AKAP6: variants seen among roughly 807,000 people sequenced by gnomAD.
AKAP6 encodes the protein A-kinase anchoring protein 6, also known as A-kinase anchor protein 6.
A neutral mutation model predicts 188.5 loss-of-function variants in AKAP6; 58 were observed. The observed-to-expected ratio is 0.31, with a 90% CI of 0.25 to 0.38. AKAP6 has a LOEUF of 0.38. AKAP6 is among the 10% of genes least tolerant of loss of function. AKAP6 has a pLI of 1.00. For synonymous variants in AKAP6, 989 were observed against 998.6 expected, an observed-to-expected ratio of 0.99 and a Z score of 0.18; for missense variants, 2,710 against 2,740.0, an observed-to-expected ratio of 0.99 and a Z score of 0.24.
intron 1 of AKAP6, among the ~76,000 whole-genome samples, chr14:32,408,623 A>G (rs1889374400): frequency 6.6e-6 from 1 of 151,920 alleles, no homozygotes; most frequent in Non-Finnish European, 1.5e-5. Context: ...TTTCTTAAGA[A>G]TACAAGTAAA....
At chr14:32,603,375 AG>A (rs1267855732) in intron 7 of AKAP6, among the ~76,000 whole-genome samples, 3 of 152,190 alleles carry the variant, frequency 2.0e-5, no homozygotes, top group African/African-American at 7.2e-5. Context: ...TACATTCACC[AG>A]GGCCAGTTTG....
chr14:32,823,461 T>G lies in AKAP6; in HGVS notation c.5648T>G (p.Phe1883Cys). Residue 1883 changes from phenylalanine (F) to cysteine (C), a missense_variant, in exon 13 of 14, where the codon TTC becomes TGC. Coordinates refer to ENST00000280979, the MANE Select transcript of AKAP6 (RefSeq NM_004274.5). ...GTKRENKKTI[F>C]KVNKDPYVAD... ...AAGCGTGAAAATAAGAAAACTATTT[T>G]CAAAGTTAATAAAGATCCATATGTG... 1 of 1,613,376 alleles carries G rather than the reference T, an allele frequency of 6.2e-7. No individual in the cohort carries two copies. The highest frequency in any genetic ancestry group is 8.5e-7 in the Non-Finnish European group (1 of 1,179,830).
In AKAP6 at chr14:32,350,445, G is replaced by A. The variant is rs893826656; in HGVS notation, c.-35+21037G>A. ...AGACTATCAAGGTCATGAGAAACAA[G>A]GAAAGCCTAAAAGGCTATTATAGAC... On this transcript the variant is annotated intron_variant, in intron 1 of 13. Transcript: ENST00000280979. Among the ~76,000 whole-genome samples the A allele has an allele frequency of 8.5e-5, 13 of 152,238 alleles. No homozygotes were observed. The East Asian group carries it at 2.5e-3, about 29-fold the overall frequency.
intron 1 of AKAP6, among the ~76,000 whole-genome samples, chr14:32,329,821 G>A (rs939579869): frequency 6.6e-5 from 10 of 152,016 alleles, no homozygotes; most frequent in African/African-American, 2.4e-5. Flanking sequence ...TCAGTGATTT[G>A]CAGTATGAAA....
chr14:32,569,802 G>A (rs1380559468), intron 4 of AKAP6, among the ~76,000 whole-genome samples: 3 of 152,156 alleles, frequency 2.0e-5, no homozygotes, highest in Admixed American at 6.5e-5. Context: ...AACCTTTACT[G>A]TGGATAAGAG....
chr14:32,584,756 GGTCT>G (rs1352995432), intron 5 of AKAP6, among the ~76,000 whole-genome samples: 3 of 151,672 alleles, frequency 2.0e-5, no homozygotes, highest in Non-Finnish European at 4.4e-5. Flanking sequence ...TATTTTTTTC[GGTCT>G]GTCTTCTTAC....
At chr14:32,645,259 C>T (rs1172580870) in intron 7 of AKAP6, among the ~76,000 whole-genome samples, 2 of 152,124 alleles carry the variant, frequency 1.3e-5, no homozygotes, top group African/African-American at 4.8e-5. Context: ...AAGGAATACA[C>T]TTAAAAGAGC....
intron 9 of AKAP6, among the ~76,000 whole-genome samples, chr14:32,727,017 A>G (rs1022426906): frequency 6.6e-6 from 1 of 152,254 alleles, no homozygotes; most frequent in African/African-American, 2.4e-5. Context: ...AACTCATTAA[A>G]GGCCATACAA....
chr14:32,581,206 C>T (rs1314947964), intron 5 of AKAP6, among the ~76,000 whole-genome samples: 2 of 152,152 alleles, frequency 1.3e-5, no homozygotes, highest in Admixed American at 1.3e-4. Flanking sequence ...ACATCCTCTC[C>T]AGCACCTGTT....
chr14:32,378,659 GTTTGA>G (rs1184013908), intron 1 of AKAP6, among the ~76,000 whole-genome samples: 3 of 152,156 alleles, frequency 2.0e-5, no homozygotes, highest in African/African-American at 7.2e-5. Context: ...TTTCAAACTG[GTTTGA>G]TTTATTTTCT....
chr14:32,547,769 A>G (rs1333405261), intron 4 of AKAP6, among the ~76,000 whole-genome samples: 4 of 151,616 alleles, frequency 2.6e-5, no homozygotes, highest in Non-Finnish European at 5.9e-5. Flanking sequence ...GCTTGAGCTG[A>G]GGAGGTTGAG....
chr14:32,816,188 A>G (rs2034372779), intron 12 of AKAP6, among the ~76,000 whole-genome samples: 1 of 151,848 alleles, frequency 6.6e-6, no homozygotes, highest in Non-Finnish European at 1.5e-5. Flanking sequence ...TTGCTCTTAT[A>G]TGGTTTGTTT....
At chr14:32,511,028 T>A (rs1227555249) in intron 2 of AKAP6, among the ~76,000 whole-genome samples, 1 of 152,196 alleles carries the variant, frequency 6.6e-6, no homozygotes, top group African/African-American at 2.4e-5. Context: ...AGAACATTGT[T>A]GACATTTGTG....
rs543036760 is a variant in AKAP6, at chr14:32,417,241, A to G, written c.-34-16219A>G. ...TAAAGAGAAATATTCTAAATCTTGT[A>G]GTAACCTTGCCTGAACACAGAGATC... On this transcript the variant is annotated intron_variant, in intron 1 of 13. Coordinates refer to ENST00000280979, the MANE Select transcript of AKAP6 (RefSeq NM_004274.5). Among the ~76,000 whole-genome samples, 4 of 152,350 alleles carry G rather than the reference A, an allele frequency of 2.6e-5. No individual in the cohort carries two copies. The South Asian group carries it at 8.3e-4, about 32-fold the overall frequency.
chr14:32,687,069 T>C (rs1889957108), intron 8 of AKAP6, among the ~76,000 whole-genome samples: 1 of 152,138 alleles, frequency 6.6e-6, no homozygotes, highest in South Asian at 2.1e-4. Flanking sequence ...TAAATTAAAA[T>C]AGGATTATAG....
chr14:32,512,830 T>A (rs781239878), intron 2 of AKAP6, among the ~76,000 whole-genome samples: 4 of 152,228 alleles, frequency 2.6e-5, no homozygotes, highest in Non-Finnish European at 4.4e-5. Context: ...TAGGCTCTAA[T>A]GCTCAGCAAT....
intron 12 of AKAP6, among the ~76,000 whole-genome samples, chr14:32,802,020 G>C (rs959029869): frequency 6.6e-6 from 1 of 152,024 alleles, no homozygotes; most frequent in East Asian, 1.9e-4. Flanking sequence ...TCTGAGATTT[G>C]TCTGTCATTA....
At chr14:32,347,253 G>A (rs1332784315) in intron 1 of AKAP6, among the ~76,000 whole-genome samples, 1 of 152,180 alleles carries the variant, frequency 6.6e-6, no homozygotes, top group Non-Finnish European at 1.5e-5. Context: ...CATCAGAGAA[G>A]TCTTGCCCTT....
At chr14:32,622,149 A>C (rs1469250320) in intron 7 of AKAP6, among the ~76,000 whole-genome samples, 1 of 152,128 alleles carries the variant, frequency 6.6e-6, no homozygotes, top group South Asian at 2.1e-4. Context: ...CTATCTAGTT[A>C]GTTCCTACTA....
Sources: gnomAD v4.1 joint callset for allele counts (sites outside exome capture counted in the v4.1 genomes callset) on GRCh38, gnomAD v4.1.1 for gene constraint, MANE v1.5 for transcripts, NCBI Gene and HGNC (gene_info 2026-07-23, HGNC 2026-07-21) for gene names.